BRD10: variants seen among roughly 807,000 people sequenced by gnomAD.
The protein encoded by BRD10 is bromodomain containing 10, also known as uncharacterized bromodomain-containing protein 10.
the BRD10 span, chr9:6,007,701 C>A: frequency 1.2e-6 from 2 of 1,608,738 alleles, no homozygotes; most frequent in South Asian, 2.2e-5. Context: ...CCACCTCCTC[C>A]TCGTCGTCCT....
the BRD10 span, among the ~76,000 whole-genome samples, chr9:5,934,150 T>C: frequency 6.6e-6 from 1 of 150,694 alleles, no homozygotes. Flanking sequence ...GGTATTATTG[T>C]GGAGATAACA....
chr9:5,983,451 CA>C, the BRD10 span, among the ~76,000 whole-genome samples: 1 of 151,610 alleles, frequency 6.6e-6, no homozygotes, highest in African/African-American at 2.4e-5. Flanking sequence ...TGCCAAGAAG[CA>C]AAAGAATATA....
chr9:5,970,388 A>G, the BRD10 span, among the ~76,000 whole-genome samples: 5 of 152,146 alleles, frequency 3.3e-5, no homozygotes, highest in Non-Finnish European at 5.9e-5. Flanking sequence ...GCAAAAGTAA[A>G]TAATTTCTAG....
At chr9:5,886,904 AC>A in the BRD10 span, among the ~76,000 whole-genome samples, 1 of 152,128 alleles carries the variant, frequency 6.6e-6, no homozygotes, top group Non-Finnish European at 1.5e-5. Flanking sequence ...GCTGCAAACC[AC>A]TCAAAGACCC....
At chr9:5,955,134 A>T in the BRD10 span, among the ~76,000 whole-genome samples, 1 of 152,118 alleles carries the variant, frequency 6.6e-6, no homozygotes, top group Non-Finnish European at 1.5e-5. Flanking sequence ...AGTTAGAAAC[A>T]CATTAAAAGT....
the BRD10 span, among the ~76,000 whole-genome samples, chr9:5,956,612 CAATA>C: frequency 6.6e-6 from 1 of 152,126 alleles, no homozygotes; most frequent in Non-Finnish European, 1.5e-5. Context: ...GGTAGGTGAT[CAATA>C]AATGTTAGCT....
At chr9:5,880,243 T>G in the BRD10 span, among the ~76,000 whole-genome samples, 1,957 of 148,246 alleles carry the variant, frequency 0.013, 14 homozygotes, top group Non-Finnish European at 0.021. Flanking sequence ...AAATAAAAAA[T>G]AAAAAAACAA....
At chr9:5,979,335 G>A in the BRD10 span, among the ~76,000 whole-genome samples, 1 of 152,132 alleles carries the variant, frequency 6.6e-6, no homozygotes, top group South Asian at 2.1e-4. Context: ...GAAATATAGT[G>A]AGACCTCGTC....
At chr9:6,007,728 T>C in the BRD10 span, 4 of 1,600,172 alleles carry the variant, frequency 2.5e-6, no homozygotes, top group Non-Finnish European at 3.4e-6. Flanking sequence ...CGGCCGCCGG[T>C]GGCGGCCGCT....
chr9:5,999,076 T>A, the BRD10 span, among the ~76,000 whole-genome samples: 5 of 152,190 alleles, frequency 3.3e-5, no homozygotes, highest in African/African-American at 4.8e-5. Context: ...ATTGTCAATA[T>A]GTTTATAATT....
chr9:5,970,210 CTA>C, the BRD10 span, among the ~76,000 whole-genome samples: 2 of 151,878 alleles, frequency 1.3e-5, no homozygotes, highest in African/African-American at 4.8e-5. Context: ...AAAAACAAAA[CTA>C]TGAAAAAATT....
chr9:5,965,151 A>G, the BRD10 span, among the ~76,000 whole-genome samples: 1 of 152,102 alleles, frequency 6.6e-6, no homozygotes, highest in African/African-American at 2.4e-5. Context: ...AGCCTGTATT[A>G]CACAACATAA....
the BRD10 span, among the ~76,000 whole-genome samples, chr9:5,886,310 G>C: frequency 6.6e-6 from 1 of 152,214 alleles, no homozygotes; most frequent in Non-Finnish European, 1.5e-5. Context: ...GAACCAGTCA[G>C]TGGCCAGCAA....
chr9:5,988,816 G>C, the BRD10 span, among the ~76,000 whole-genome samples: 4 of 151,224 alleles, frequency 2.6e-5, no homozygotes, highest in African/African-American at 7.3e-5. Flanking sequence ...CTCTTTAATA[G>C]AAAACAAAGT....
the BRD10 span, among the ~76,000 whole-genome samples, chr9:5,991,746 G>T: frequency 7.2e-6 from 1 of 138,684 alleles, no homozygotes; most frequent in Non-Finnish European, 1.6e-5. Context: ...AAAAAAAAAA[G>T]GCAAATCAGA....
At chr9:5,977,930 A>AT in the BRD10 span, among the ~76,000 whole-genome samples, 3 of 152,238 alleles carry the variant, frequency 2.0e-5, no homozygotes, top group Admixed American at 2.0e-4. Flanking sequence ...AATTTATCCA[A>AT]AAGTACAGTA....
At chr9:5,990,364 A>G in the BRD10 span, among the ~76,000 whole-genome samples, 1 of 152,212 alleles carries the variant, frequency 6.6e-6, no homozygotes, top group South Asian at 2.1e-4. Flanking sequence ...ATTGAAAAAT[A>G]ATGACATCTC....
At chr9:5,944,780 G>T in the BRD10 span, 1 of 546,806 alleles carries the variant, frequency 1.8e-6, no homozygotes, top group Non-Finnish European at 3.1e-6. Context: ...ATGTAATCCA[G>T]GAAAACAAGA....
chr9:5,916,527 A>G, the BRD10 span, among the ~76,000 whole-genome samples: 6 of 140,082 alleles, frequency 4.3e-5, no homozygotes, highest in South Asian at 2.4e-4. Flanking sequence ...ATATGTGTGT[A>G]TATATATGTA....
Sources: gnomAD v4.1 joint callset for allele counts (sites outside exome capture counted in the v4.1 genomes callset) on GRCh38, gnomAD v4.1.1 for gene constraint, MANE v1.5 for transcripts, NCBI Gene and HGNC (gene_info 2026-07-23, HGNC 2026-07-21) for gene names.